The following TEX11 variants were observed in gnomAD, a reference collection of about 807,000 sequenced individuals.
The protein encoded by TEX11 is testis-expressed protein 11.
A neutral mutation model predicts 84.4 loss-of-function variants in TEX11; 7 were observed. The observed-to-expected ratio is 0.08, with a 90% CI of 0.05 to 0.16. TEX11 has a LOEUF of 0.16. TEX11 is among the 10% of genes least tolerant of loss of function. TEX11 has a pLI of 1.00. For missense variants in TEX11, 551 were observed against 660.5 expected (o/e 0.83, Z 1.82); for synonymous variants, 264 against 222.8 (o/e 1.18, Z -1.64).
chrX:70,564,113 C>A (rs755245385), intron 25 of TEX11, among the ~76,000 whole-genome samples: 3 of 111,931 alleles, frequency 2.7e-5, no homozygotes, highest in South Asian at 3.8e-4. Context: ...CCTGTAGTCC[C>A]AGCTACTTGG....
intron 2 of TEX11, among the ~76,000 whole-genome samples, chrX:70,887,563 C>T (rs1232940929): frequency 8.9e-6 from 1 of 112,245 alleles, no homozygotes; most frequent in Non-Finnish European, 1.9e-5. Context: ...TAGATTAGTG[C>T]ACCAGGTAGA....
intron 8 of TEX11, among the ~76,000 whole-genome samples, chrX:70,812,305 C>A (rs1428300891): frequency 9.1e-6 from 1 of 109,702 alleles, no homozygotes; most frequent in South Asian, 4.0e-4. Flanking sequence ...CTCTTGGGTT[C>A]ACATCATTCT....
chrX:70,555,526 G>T (rs2088275150), intron 25 of TEX11, among the ~76,000 whole-genome samples: 1 of 112,071 alleles, frequency 8.9e-6, no homozygotes. Flanking sequence ...AATACAGAAG[G>T]TTCCTTTGTG....
rs778003356 is a variant in TEX11 at position 70,711,420 on chromosome X, T to C, written c.1004+11198A>G. ...AGTCCCACCAACAGTGTAAAAGTGT[T>C]CCTATTTCTCCACATCCTCTCCAGC... On this transcript the variant is annotated intron_variant, in intron 13 of 29. Transcript: ENST00000374333. Among the ~76,000 whole-genome samples the C allele has an allele frequency of 3.2e-3, 356 of 109,639 alleles. 2 individuals carry two copies. The highest frequency in any genetic ancestry group is 5.9e-3 in the Non-Finnish European group (309 of 52,371).
In TEX11 at chrX:70,704,389, G is replaced by C. The variant is rs141920151; in HGVS notation, c.1004+18229C>G. On this transcript the variant is annotated intron_variant, in intron 13 of 29. Coordinates refer to ENST00000374333, the MANE Select transcript of TEX11 (RefSeq NM_031276.3). ...ATAGTACCTACCTCACAGTGTATTTGTGAAAGGTTAAATAATATATTAAAT... is the reference window on the plus strand; with the variant it reads ...ATAGTACCTACCTCACAGTGTATTTCTGAAAGGTTAAATAATATATTAAAT... Among the ~76,000 whole-genome samples the C allele has an allele frequency of 4.8e-3, 533 of 111,366 alleles. 3 individuals carry two copies. Among genetic ancestry groups the C allele is most frequent in the African/African-American group, 0.017 (508 of 30,691 alleles).
chrX:70,826,181 C>T (rs2091344813), intron 8 of TEX11, among the ~76,000 whole-genome samples: 1 of 108,312 alleles, frequency 9.2e-6, no homozygotes, highest in Non-Finnish European at 1.9e-5. Flanking sequence ...CATGGTGGCT[C>T]ATGCCTGTAA....
rs186933048 is a variant in TEX11, at chrX:70,619,581, C to T, written c.1751+4369G>A. 6.0e-3 allele frequency among the ~76,000 whole-genome samples: 667 copies of T among 111,600 alleles called. 4 individuals are homozygous for T. The highest frequency in any genetic ancestry group is 0.021 in the African/African-American group (637 of 30,757). On this transcript the variant is annotated intron_variant, in intron 20 of 29. Coordinates refer to ENST00000374333, the MANE Select transcript of TEX11 (RefSeq NM_031276.3). ...AGGGAAATCCAATATTACATCAGTA[C>T]CTCAAAAGAGTCTCAAAGCAAAAGA...
At chrX:70,605,654 A>G in intron 23 of TEX11, 137 bp from the exon 24 acceptor site, 1 of 434,602 alleles carries the variant, frequency 2.3e-6, no homozygotes, top group Non-Finnish European at 4.0e-6. Flanking sequence ...CATAGAAATG[A>G]TATAAACTAT....
At chrX:70,820,798 C>T (rs1039520384) in intron 8 of TEX11, among the ~76,000 whole-genome samples, 1 of 111,712 alleles carries the variant, frequency 9.0e-6, no homozygotes, top group African/African-American at 3.3e-5. Context: ...AATCACCTCC[C>T]ACCAGGCCCC....
In TEX11 at chrX:70,542,163, T is replaced by G. The variant is rs57280946; in HGVS notation, c.2520+9963A>C. On this transcript the variant is annotated intron_variant, in intron 28 of 29. Coordinates refer to ENST00000374333, the MANE Select transcript of TEX11 (RefSeq NM_031276.3). The stretch of plus-strand genomic sequence containing the variant: ...AGGTGATGATATTAGGAGGTGGGGC[T>G]GTTGGGAGGTGATAAGGTCATAAGA... 9.9e-5 allele frequency among the ~76,000 whole-genome samples: 11 copies of G among 111,262 alleles called. No individual in the cohort carries two copies. In the East Asian group the frequency reaches 2.8e-3, roughly 29 times the overall value.
intron 9 of TEX11, among the ~76,000 whole-genome samples, chrX:70,788,959 TATATATATATATATAG>T (rs1385135102): frequency 5.2e-4 from 23 of 44,063 alleles, no homozygotes; most frequent in African/African-American, 1.0e-3. Flanking sequence ...TATATATATA[TATATATATATATATAG>T]AGAGAGAGAG....
At chrX:70,596,089 A>G (rs1404579734) in intron 24 of TEX11, among the ~76,000 whole-genome samples, 1 of 111,906 alleles carries the variant, frequency 8.9e-6, no homozygotes. Flanking sequence ...GGAAATGTAT[A>G]GCAATTATAA....
intron 25 of TEX11, among the ~76,000 whole-genome samples, chrX:70,563,463 C>G (rs2088404675): frequency 9.0e-6 from 1 of 111,705 alleles, no homozygotes; most frequent in African/African-American, 3.3e-5. Context: ...TAAAAAAGAA[C>G]ATATTGTCTT....
rs758103906 is a variant in TEX11 at position 70,529,881 on chromosome X, C to T, written c.2639G>A (p.Arg880His). Residue 880 changes from arginine to histidine, a missense_variant, in exon 29 of 30, where the codon CGT (arginine) becomes CAT (histidine). Transcript: ENST00000374333. ...GAAGGAGGTAAGGTGGTTAAGGAAA[C>T]GCAAGGCCAGGCCACACCACTTTTC... The part of the protein sequence containing the change: ...SAEKWCGLAL[R>H]FLNHLTSFKE... The T allele has an allele frequency of 2.4e-5, 29 of 1,209,249 alleles. No individual in the cohort carries two copies. The South Asian group carries it at 2.6e-4, about 11-fold the overall frequency.
At chrX:70,640,523 C>T (rs192711064) in intron 17 of TEX11, among the ~76,000 whole-genome samples, 1 of 110,733 alleles carries the variant, frequency 9.0e-6, no homozygotes, top group Non-Finnish European at 1.9e-5. Context: ...CAGAGAGAAA[C>T]GTCAGGTTAC....
chrX:70,570,228 TC>T (rs1006408005), intron 25 of TEX11, among the ~76,000 whole-genome samples: 71 of 112,155 alleles, frequency 6.3e-4, no homozygotes, highest in African/African-American at 2.1e-3. Context: ...GGATATAATC[TC>T]CTGGTGCGCC....
At position 70,537,634 on chromosome X, in the gene TEX11, G is replaced by T. The variant is rs746559642; in HGVS notation, c.2521-7635C>A. Among the ~76,000 whole-genome samples the T allele has an allele frequency of 6.3e-5, 7 of 111,174 alleles. No homozygotes were observed. In the Middle Eastern group the frequency reaches 0.014, roughly 222 times the overall value. On this transcript the variant is annotated intron_variant, in intron 28 of 29. Transcript: ENST00000374333. ...AGTTAGACTGGACTATAATAGAGTG[G>T]GAAAAGACGAGTGATTTGAAGTTCA...
At chrX:70,712,824 T>C (rs905862912) in intron 13 of TEX11, among the ~76,000 whole-genome samples, 3 of 111,187 alleles carry the variant, frequency 2.7e-5, no homozygotes, top group African/African-American at 9.8e-5. Context: ...CTTCCAACAC[T>C]ATGTTGAATA....
intron 19 of TEX11, among the ~76,000 whole-genome samples, chrX:70,624,618 C>A (rs1286743673): frequency 8.9e-6 from 1 of 111,932 alleles, no homozygotes; most frequent in African/African-American, 3.2e-5. Flanking sequence ...AATTGACCAA[C>A]AGGAGAACCA....
Sources: allele counts gnomAD v4.1 joint callset (sites outside exome capture counted in the v4.1 genomes callset), GRCh38; gene constraint gnomAD v4.1.1; transcripts MANE v1.5; gene names NCBI Gene and HGNC (gene_info 2026-07-23, HGNC 2026-07-21).